NAV3: variants seen among roughly 807,000 people sequenced by gnomAD.
NAV3 encodes neuron navigator 3, also known as pore membrane and/or filament interacting like protein 1.
NAV3 carries 87 observed loss-of-function variants against 244.7 expected under a neutral mutation model. The ratio of observed to expected loss-of-function variants is 0.36; its 90% CI spans 0.30 to 0.42. The LOEUF (loss-of-function observed/expected upper bound fraction) is 0.42. Ranked by LOEUF, NAV3 falls within the 20% of genes least tolerant of loss-of-function variation. The probability of loss-of-function intolerance (pLI) is 1.00; values close to 1 mark genes in which losing one functional copy is unlikely to be tolerated. For synonymous variants in NAV3, 1,126 were observed against 1,042.2 expected (o/e 1.08, Z -1.55); for missense variants, 2,663 against 2,893.3 (o/e 0.92, Z 1.83).
At chr12:78,122,908 TAA>T (rs61235295) in intron 16 of NAV3, among the ~76,000 whole-genome samples, 28,820 of 144,146 alleles carry the variant, frequency 0.2, 3,156 homozygotes, top group Admixed American at 0.34. Flanking sequence ...TTGGCCTGGT[TAA>T]AAAAAAAAAA....
chr12:77,696,186 C>G (rs371309814), intron 2 of NAV3, among the ~76,000 whole-genome samples: 1 of 152,116 alleles, frequency 6.6e-6, no homozygotes, highest in Non-Finnish European at 1.5e-5. Context: ...TTATGTAATC[C>G]CCTTTCCTTG....
intron 5 of NAV3, among the ~76,000 whole-genome samples, chr12:77,983,176 C>T (rs1215117496): frequency 6.6e-6 from 1 of 151,974 alleles, no homozygotes; most frequent in African/African-American, 2.4e-5. Flanking sequence ...AAATTTTTAC[C>T]AGAGGAAAAA....
chr12:77,696,766 C>T (rs1371934725), intron 2 of NAV3, among the ~76,000 whole-genome samples: 1 of 152,122 alleles, frequency 6.6e-6, no homozygotes, highest in Non-Finnish European at 1.5e-5. Flanking sequence ...CATGCATAGG[C>T]TTCCTACTCT....
At chr12:78,186,415 G>A (rs947633179) in intron 31 of NAV3, among the ~76,000 whole-genome samples, 3 of 151,798 alleles carry the variant, frequency 2.0e-5, no homozygotes, top group Non-Finnish European at 4.4e-5. Context: ...AAGTAAGATA[G>A]CACTTGTGAA....
At chr12:77,969,295 C>T (rs1892794349) in intron 5 of NAV3, among the ~76,000 whole-genome samples, 1 of 151,818 alleles carries the variant, frequency 6.6e-6, no homozygotes, top group African/African-American at 2.4e-5. Flanking sequence ...CTTTTCTCTT[C>T]CATTATTATT....
intron 12 of NAV3, among the ~76,000 whole-genome samples, chr12:78,069,980 A>G (rs1593460616): frequency 6.6e-6 from 1 of 152,100 alleles, no homozygotes. Context: ...TCCTGCTGAC[A>G]AGATAGATGA....
chr12:77,718,207 G>A (rs1876448867), intron 2 of NAV3, among the ~76,000 whole-genome samples: 2 of 152,108 alleles, frequency 1.3e-5, no homozygotes, highest in African/African-American at 4.8e-5. Flanking sequence ...TATGGTTTCA[G>A]TTCTATGTTC....
intron 2 of NAV3, among the ~76,000 whole-genome samples, chr12:77,650,431 C>A (rs963020836): frequency 6.6e-6 from 1 of 152,090 alleles, no homozygotes; most frequent in Non-Finnish European, 1.5e-5. Context: ...ATTGCCACTT[C>A]TCTGCTGTCA....
chr12:78,180,849 A>T (rs58277077), intron 29 of NAV3, 22 bp from the exon 30 acceptor site: 3 of 1,586,074 alleles, frequency 1.9e-6, no homozygotes, highest in South Asian at 1.1e-5. Context: ...AGTTTTTTTC[A>T]TGTTTTCCAT....
intron 2 of NAV3, among the ~76,000 whole-genome samples, chr12:77,674,986 A>G (rs1874144363): frequency 6.6e-6 from 1 of 152,212 alleles, no homozygotes; most frequent in Non-Finnish European, 1.5e-5. Context: ...ATGGGTGGTC[A>G]AAGAAGGTAT....
At position 77,831,220 on chromosome 12, in the gene NAV3, A is replaced by T; in HGVS notation, c.-242A>T. The T allele has an allele frequency of 3.7e-6, 1 of 268,134 alleles. No homozygotes were observed. Among genetic ancestry groups the T allele is most frequent in the South Asian group, 6.2e-5 (1 of 16,014 alleles). The allele number at this position is 268,134 out of a possible 1,614,324, so 16.6% of individuals were successfully genotyped here. A position where few individuals can be genotyped will look rare whatever the true frequency, so the allele number is the denominator to read the frequency against. On this transcript the variant is annotated 5_prime_UTR_variant, in exon 1 of 40. In the 5' UTR this introduces an upstream ATG that the reference lacks. Transcript: ENST00000397909. ...CAGAGAGAGAGAGAGAGAGAGAGAAAGAGAGAGAGAGAGAGAATGAGAATG... is the reference window on the plus strand; with the variant it reads ...CAGAGAGAGAGAGAGAGAGAGAGAATGAGAGAGAGAGAGAGAATGAGAATG...
At chr12:78,110,246 T>G (rs1458909190) in intron 12 of NAV3, among the ~76,000 whole-genome samples, 1 of 152,024 alleles carries the variant, frequency 6.6e-6, no homozygotes, top group Non-Finnish European at 1.5e-5. Flanking sequence ...GTTAAAGATC[T>G]CTGCACAAAA....
chr12:77,741,148 C>CAAAAAAAAAAAAAAAAAAAAAAAAAAAG, intron 2 of NAV3, among the ~76,000 whole-genome samples: 1 of 68,666 alleles, frequency 1.5e-5, no homozygotes, highest in African/African-American at 5.9e-5. Context: ...AAAAAAAAGA[C>CAAAAAAAAAAAAAAAAAAAAAAAAAAAG]AAAAAAAAAA....
intron 9 of NAV3, among the ~76,000 whole-genome samples, chr12:78,022,430 G>C (rs1010250743): frequency 1.3e-4 from 20 of 152,052 alleles, no homozygotes; most frequent in African/African-American, 3.9e-4. Context: ...TATATGGAAG[G>C]CATTTAGTTT....
chr12:77,696,695 G>A (rs1208792294), intron 2 of NAV3, among the ~76,000 whole-genome samples: 1 of 152,086 alleles, frequency 6.6e-6, no homozygotes, highest in African/African-American at 2.4e-5. Context: ...AAAATTGGGA[G>A]GTTAAATAAA....
At chr12:77,784,181 A>T (rs796625383) in intron 2 of NAV3, among the ~76,000 whole-genome samples, 21 of 152,316 alleles carry the variant, frequency 1.4e-4, no homozygotes, top group African/African-American at 4.6e-4. Flanking sequence ...AGATGTGATC[A>T]TGCTATAGAG....
At chr12:77,638,295 T>C (rs1329705540) in intron 2 of NAV3, among the ~76,000 whole-genome samples, 1 of 152,184 alleles carries the variant, frequency 6.6e-6, no homozygotes, top group Non-Finnish European at 1.5e-5. Context: ...GGACAAAATA[T>C]TGGGATTTCT....
intron 12 of NAV3, among the ~76,000 whole-genome samples, chr12:78,102,942 A>G (rs547558778): frequency 4.1e-4 from 63 of 152,204 alleles, no homozygotes; most frequent in African/African-American, 1.5e-3. Context: ...CTTCTGGATC[A>G]GTGAAGGGTG....
intron 19 of NAV3, 82 bp from the exon 20 acceptor site, chr12:78,140,200 G>C (rs566366860): frequency 8.8e-7 from 1 of 1,134,904 alleles, no homozygotes; most frequent in Non-Finnish European, 1.3e-6. Context: ...CTAACCACCC[G>C]TTCTTTACTT....
Sources: allele counts gnomAD v4.1 joint callset (sites outside exome capture counted in the v4.1 genomes callset), GRCh38; gene constraint gnomAD v4.1.1; transcripts MANE v1.5; gene names NCBI Gene and HGNC (gene_info 2026-07-23, HGNC 2026-07-21).